IL1RAPL2: variants seen among roughly 807,000 people sequenced by gnomAD.
IL1RAPL2 encodes the protein X-linked interleukin-1 receptor accessory protein-like 2.
Under a neutral mutation model 44.1 loss-of-function variants are expected in IL1RAPL2, and 3 were observed. The ratio of observed to expected loss-of-function variants is 0.07; its 90% CI spans 0.03 to 0.18. IL1RAPL2 has a LOEUF of 0.18. Ranked by LOEUF, IL1RAPL2 falls within the 10% of genes least tolerant of loss-of-function variation. IL1RAPL2 has a pLI of 1.00. For synonymous variants in IL1RAPL2, 181 were observed against 178.8 expected, an observed-to-expected ratio of 1.01 and a Z score of -0.10; for missense variants, 391 against 496.4, an observed-to-expected ratio of 0.79 and a Z score of 2.02.
intron 5 of IL1RAPL2, among the ~76,000 whole-genome samples, chrX:105,347,084 T>C (rs1193649805): frequency 8.9e-6 from 1 of 112,123 alleles, no homozygotes; most frequent in Non-Finnish European, 1.9e-5. Context: ...TACAATCTTT[T>C]TGAAAATTCA....
At chrX:105,658,894 G>A (rs760494631) in intron 6 of IL1RAPL2, among the ~76,000 whole-genome samples, 14 of 105,257 alleles carry the variant, frequency 1.3e-4, no homozygotes, top group African/African-American at 4.5e-4. Flanking sequence ...CTTGGCAGGC[G>A]GAGGTTGCAG....
chrX:105,205,044 A>G (rs2033749105), intron 3 of IL1RAPL2, among the ~76,000 whole-genome samples: 1 of 111,428 alleles, frequency 9.0e-6, no homozygotes, highest in African/African-American at 3.3e-5. Flanking sequence ...TAATGCAATC[A>G]CAAGACTACA....
intron 5 of IL1RAPL2, among the ~76,000 whole-genome samples, chrX:105,279,867 G>C (rs1424336062): frequency 8.9e-6 from 1 of 112,258 alleles, no homozygotes; most frequent in East Asian, 2.8e-4. Context: ...GTAATTTATA[G>C]ATTCAAGGCT....
At chrX:104,628,782 C>T (rs58548809) in intron 1 of IL1RAPL2, among the ~76,000 whole-genome samples, 38,267 of 111,082 alleles carry the variant, frequency 0.34, 5,685 homozygotes, top group East Asian at 0.62. Flanking sequence ...GTTTTCTCTG[C>T]GTCCTCACCA....
At chrX:105,402,806 A>G (rs2035615662) in intron 5 of IL1RAPL2, among the ~76,000 whole-genome samples, 2 of 112,089 alleles carry the variant, frequency 1.8e-5, no homozygotes, top group Admixed American at 9.4e-5. Flanking sequence ...CTTAATGGAT[A>G]AAAGACTAGC....
At chrX:104,640,298 T>G (rs1474776740) in intron 1 of IL1RAPL2, among the ~76,000 whole-genome samples, 2 of 111,880 alleles carry the variant, frequency 1.8e-5, no homozygotes, top group Non-Finnish European at 3.8e-5. Flanking sequence ...TTTTTTTATT[T>G]CATGTGTTGA....
chrX:104,912,342 A>G, intron 2 of IL1RAPL2, among the ~76,000 whole-genome samples: 1 of 110,765 alleles, frequency 9.0e-6, no homozygotes, highest in South Asian at 3.9e-4. Flanking sequence ...ACCTGGGAAT[A>G]GAATCCTTTC....
rs1457139100 is a variant in IL1RAPL2 at position 105,447,350 on chromosome X, T to TATATAAATATATAA, written c.698-36943_698-36930dup. 7.7e-5 allele frequency among the ~76,000 whole-genome samples: 5 copies of TATATAAATATATAA among 65,039 alleles called. No individual in the cohort carries two copies. The South Asian group carries it at 4.6e-3, about 60-fold the overall frequency. 56.5% of individuals were successfully genotyped at this position (65,039 alleles called of 115,157 possible). A position where few individuals can be genotyped will look rare whatever the true frequency, so the allele number is the denominator to read the frequency against. ...ATATATAAAAATATAAATATATAAA[T>TATATAAATATATAA]ATATAAATATATAAATATAAATATA... On this transcript the variant is annotated intron_variant, in intron 5 of 10. Coordinates refer to ENST00000372582, the MANE Select transcript of IL1RAPL2 (RefSeq NM_017416.2).
chrX:105,057,948 A>AT (rs763809656), intron 2 of IL1RAPL2, among the ~76,000 whole-genome samples: 799 of 52,301 alleles, frequency 0.015, 11 homozygotes, highest in East Asian at 0.035. Context: ...CACCCAGCTA[A>AT]TTTTTTTTTT....
At chrX:105,014,064 C>T (rs2031118686) in intron 2 of IL1RAPL2, among the ~76,000 whole-genome samples, 2 of 111,790 alleles carry the variant, frequency 1.8e-5, no homozygotes, top group African/African-American at 6.5e-5. Flanking sequence ...TTTTTTATAT[C>T]ATGAGTATAA....
At chrX:104,933,211 A>G (rs1445374251) in intron 2 of IL1RAPL2, among the ~76,000 whole-genome samples, 2 of 111,627 alleles carry the variant, frequency 1.8e-5, no homozygotes, top group African/African-American at 6.5e-5. Context: ...TGGCACATGT[A>G]TACCTATGTA....
chrX:105,652,003 C>T (rs758181205), intron 6 of IL1RAPL2, among the ~76,000 whole-genome samples: 4 of 111,932 alleles, frequency 3.6e-5, no homozygotes, highest in Non-Finnish European at 5.6e-5. Context: ...TTTAGAGCCA[C>T]ATTTGCAGTG....
intron 2 of IL1RAPL2, among the ~76,000 whole-genome samples, chrX:104,833,548 G>A (rs1168964324): frequency 8.9e-6 from 1 of 111,757 alleles, no homozygotes; most frequent in Non-Finnish European, 1.9e-5. Context: ...GACTGGCTGG[G>A]TTAATTAGAA....
At chrX:105,060,585 C>CTTTTTTTTTTTTTTT (rs1161187469) in intron 2 of IL1RAPL2, among the ~76,000 whole-genome samples, 16 of 70,152 alleles carry the variant, frequency 2.3e-4, no homozygotes, top group African/African-American at 8.6e-4. Flanking sequence ...TTTTCTTTTT[C>CTTTTTTTTTTTTTTT]TTTTTTTTTT....
chrX:105,076,026 T>G (rs1226458037), intron 2 of IL1RAPL2, among the ~76,000 whole-genome samples: 2 of 111,783 alleles, frequency 1.8e-5, no homozygotes, highest in African/African-American at 6.5e-5. Context: ...GAAGGGTTTT[T>G]TGTGTCTCTA....
At position 105,395,761 on chromosome X, in the gene IL1RAPL2, T is replaced by A. The variant is rs183843068; in HGVS notation, c.698-88552T>A. 5.1e-3 allele frequency among the ~76,000 whole-genome samples: 569 copies of A among 112,303 alleles called. 5 individuals are homozygous for A. The highest frequency in any genetic ancestry group is 0.017 in the African/African-American group (537 of 30,970). ...CAGTTTTTTAAGTCAAAAATTCAGA[T>A]GTCATCCTTGACTTTCTCTTTTTTC... On this transcript the variant is annotated intron_variant, in intron 5 of 10. Transcript: ENST00000372582.
intron 5 of IL1RAPL2, among the ~76,000 whole-genome samples, chrX:105,421,377 G>C (rs2035773223): frequency 9.0e-6 from 1 of 111,613 alleles, no homozygotes; most frequent in East Asian, 2.8e-4. Flanking sequence ...TTCCCAGTTT[G>C]ACTTTTCCCT....
chrX:105,073,757 T>C (rs1472697896), intron 2 of IL1RAPL2, among the ~76,000 whole-genome samples: 1 of 112,107 alleles, frequency 8.9e-6, no homozygotes, highest in African/African-American at 3.3e-5. Flanking sequence ...TGAGATGGTA[T>C]CTCATTGTGG....
chrX:104,587,982 A>C (rs1928594505), intron 1 of IL1RAPL2, among the ~76,000 whole-genome samples: 1 of 111,353 alleles, frequency 9.0e-6, no homozygotes, highest in Admixed American at 9.6e-5. Flanking sequence ...TTAGTGGAAA[A>C]ATGTTTTATC....
Sources: allele counts gnomAD v4.1 joint callset (sites outside exome capture counted in the v4.1 genomes callset), GRCh38; gene constraint gnomAD v4.1.1; transcripts MANE v1.5; gene names NCBI Gene and HGNC (gene_info 2026-07-23, HGNC 2026-07-21).